Variants in TP53BP1 observed in about 807,000 individuals in gnomAD.
TP53BP1 encodes the protein TP53-binding protein 1.
TP53BP1 carries 61 observed loss-of-function variants against 200.8 expected under a neutral mutation model. The ratio of observed to expected loss-of-function variants is 0.30; its 90% CI spans 0.25 to 0.38. TP53BP1 has a LOEUF of 0.38. TP53BP1 is among the 10% of genes least tolerant of loss of function. TP53BP1 has a pLI of 1.00. For missense variants in TP53BP1, 2,144 were observed against 2,371.9 expected (o/e 0.90, Z 2.00); for synonymous variants, 822 against 844.3 (o/e 0.97, Z 0.46).
At position 43,492,372 on chromosome 15, in the gene TP53BP1, T is replaced by C. The variant is rs1004604204; in HGVS notation, c.104A>G (p.Gln35Arg). The change falls in exon 2 of 28, where the codon CAG (glutamine) becomes CGG (arginine). Residue 35 changes from glutamine (Q) to arginine (R), a missense_variant. Coordinates refer to ENST00000382044, the MANE Select transcript of TP53BP1 (RefSeq NM_001141980.3). The stretch of plus-strand genomic sequence containing the variant: ...AGAACCAGAATCATCCTCTAGAACC[T>C]GGCTTTCAGGCTGAGAATCTTCAAT... ...LIIEDSQPES[Q>R]VLEDDSGSHF... is the part of the protein sequence containing the mutation. 6.2e-7 allele frequency: 1 copy of C among 1,613,964 alleles called. No homozygotes were observed. The highest frequency in any genetic ancestry group is 8.5e-7 in the Non-Finnish European group (1 of 1,179,936).
rs978670941 is a variant in TP53BP1, at chr15:43,442,601, G to A, written c.3041-1018C>T. On this transcript the variant is annotated intron_variant, in intron 14 of 27. Coordinates refer to ENST00000382044, the MANE Select transcript of TP53BP1 (RefSeq NM_001141980.3). ...CAACCTGTGTCTCCTGGGTTCAAGC[G>A]ATTCTCATGCCTCACCCTCCTGAGT... Among the ~76,000 whole-genome samples, 22 of 151,590 alleles carry A rather than the reference G, an allele frequency of 1.5e-4. 1 individual carries two copies. The highest frequency in any genetic ancestry group is 2.7e-4 in the Non-Finnish European group (18 of 67,910).
Position 43,432,391 on chromosome 15 carries a change from G to A in TP53BP1, c.3478C>T (p.Gln1160Ter). The change falls in exon 17 of 28, where the codon CAA becomes TAA. Residue 1160 changes from glutamine to a stop codon, truncating the protein, a stop_gained. Transcript: ENST00000382044. LOFTEE classifies it high-confidence loss of function. ...ACCCTCAAGGAACACTCCATGGTTT[G>A]GATTCCTATGTTATTTTGGCTGGGC... ...ERPSQNNIGI[Q>*]TMECSLRVPE... 1 of 1,614,164 alleles carries A rather than the reference G, an allele frequency of 6.2e-7. No homozygotes were observed. Among genetic ancestry groups the A allele is most frequent in the Non-Finnish European group, 8.5e-7 (1 of 1,180,020 alleles).
Position 43,407,308 on chromosome 15 carries a change from CAA to C in TP53BP1, c.*73_*74del, listed in dbSNP as rs2044934225. On this transcript the variant is annotated 3_prime_UTR_variant, in exon 28 of 28. Transcript: ENST00000382044. ...TCCATGCAAGGAATCCAGTTACACA[CAA>C]GACACATTTAAAACCTGGTTAAAAC... 1 of 1,320,456 alleles carries C rather than the reference CAA, an allele frequency of 7.6e-7. No homozygotes were observed. The highest frequency in any genetic ancestry group is 1.4e-5 in the African/African-American group (1 of 69,110). 81.8% of individuals were successfully genotyped at this position (1,320,456 alleles called of 1,614,324 possible). A position where few individuals can be genotyped will look rare whatever the true frequency, so the allele number is the denominator to read the frequency against.
At chr15:43,446,823 C>T in intron 13 of TP53BP1, 1 of 1,474,250 alleles carries the variant, frequency 6.8e-7, no homozygotes, top group East Asian at 2.9e-5. Context: ...ACAAAGGATG[C>T]TGCATGAGCC....
chr15:43,412,764 T>C (rs768528784), intron 24 of TP53BP1: 2 of 473,912 alleles, frequency 4.2e-6, no homozygotes, highest in South Asian at 3.1e-5. Flanking sequence ...ATGGTTGCAG[T>C]AGGCTAAAAT....
chr15:43,480,647 T>C (rs528912703), intron 5 of TP53BP1, among the ~76,000 whole-genome samples: 1 of 152,190 alleles, frequency 6.6e-6, no homozygotes, highest in South Asian at 2.1e-4. Context: ...ATTACAAAAA[T>C]ATTTGAAAAA....
chr15:43,468,262 A>C (rs1049768867), intron 11 of TP53BP1, among the ~76,000 whole-genome samples: 2 of 152,094 alleles, frequency 1.3e-5, no homozygotes, highest in Admixed American at 6.6e-5. Context: ...AAGCTAAAGA[A>C]GGCCAGGTAC....
intron 23 of TP53BP1, 34 bp downstream of exon 23, chr15:43,415,560 C>A: frequency 6.2e-7 from 1 of 1,606,858 alleles, no homozygotes; most frequent in South Asian, 1.1e-5. Flanking sequence ...CTGCCATGGT[C>A]TGAAGGAAGA....
chr15:43,504,815 T>A (rs1595638636), intron 1 of TP53BP1, among the ~76,000 whole-genome samples: 2 of 151,262 alleles, frequency 1.3e-5, no homozygotes, highest in Non-Finnish European at 2.9e-5. Flanking sequence ...AGGTCAGGAG[T>A]TCAAGACCAG....
chr15:43,499,533 T>A (rs2079199052), intron 1 of TP53BP1, among the ~76,000 whole-genome samples: 1 of 152,228 alleles, frequency 6.6e-6, no homozygotes, highest in African/African-American at 2.4e-5. Flanking sequence ...TCTGAGCATA[T>A]CCCTTCTGCA....
chr15:43,467,443 G>A (rs549113639), intron 11 of TP53BP1, among the ~76,000 whole-genome samples: 85 of 152,254 alleles, frequency 5.6e-4, no homozygotes, highest in African/African-American at 2.0e-3. Context: ...TGAGTTCAAA[G>A]AAACCTGATT....
chr15:43,466,855 C>A (rs2046593076), intron 11 of TP53BP1, among the ~76,000 whole-genome samples: 1 of 151,726 alleles, frequency 6.6e-6, no homozygotes. Context: ...AGACCCTGTG[C>A]CTAAGAAAAA....
chr15:43,413,768 A>G (rs1821914343), intron 23 of TP53BP1, among the ~76,000 whole-genome samples: 1 of 151,328 alleles, frequency 6.6e-6, no homozygotes, highest in Non-Finnish European at 1.5e-5. Flanking sequence ...GGTATGAGAT[A>G]TTTTGAAGCA....
intron 11 of TP53BP1, among the ~76,000 whole-genome samples, chr15:43,458,473 C>T (rs1230093327): frequency 6.6e-6 from 1 of 151,570 alleles, no homozygotes; most frequent in African/African-American, 2.4e-5. Context: ...AAATAGTTCA[C>T]AAAACAGTCA....
chr15:43,405,311 T>G lies in TP53BP1; in HGVS notation c.*2072A>C. ...TTCTAGCCACACACAAATAAATATC[T>G]GCGGCTTAGTGATAGGACTCTACCT... On this transcript the variant is annotated 3_prime_UTR_variant, in exon 28 of 28. Transcript: ENST00000382044. 7.2e-7 allele frequency: 1 copy of G among 1,396,526 alleles called. No individual in the cohort carries two copies. Among genetic ancestry groups the G allele is most frequent in the Non-Finnish European group, 1.0e-6 (1 of 987,880 alleles). The allele number at this position is 1,396,526 out of a possible 1,614,324, so 86.5% of individuals were successfully genotyped here.
In TP53BP1 at chr15:43,415,759, C is replaced by T; in HGVS notation, c.4924G>A (p.Ala1642Thr). The part of the protein sequence containing the change: ...RKRRSNVSSP[A>T]TPTASSSSST... ...CTGCTACTGGAGGCAGTAGGGGTGG[C>T]TGGGGAGCTGACGTTACTGCGCCGT... Residue 1642 changes from alanine to threonine, a missense_variant, in exon 23 of 28, where the codon GCC (alanine) becomes ACC (threonine). This residue lies in a region of TP53BP1 where 334 missense variants were observed against 453.4 expected (regional missense o/e 0.74). Transcript: ENST00000382044. 1 of 1,614,146 alleles carries T rather than the reference C, an allele frequency of 6.2e-7. No individual in the cohort carries two copies. Among genetic ancestry groups the T allele is most frequent in the Non-Finnish European group, 8.5e-7 (1 of 1,180,024 alleles).
chr15:43,416,713 G>A (rs1006606252), intron 21 of TP53BP1: 1 of 256,074 alleles, frequency 3.9e-6, no homozygotes, highest in Admixed American at 5.1e-5. Context: ...AATGATTTCC[G>A]TGAAGTGAAA....
At position 43,407,629 on chromosome 15, in the gene TP53BP1, A is replaced by G. The variant is rs183603812; in HGVS notation, c.5747-59T>C. 6 of 1,508,784 alleles carry G rather than the reference A, an allele frequency of 4.0e-6. No homozygotes were observed. In the African/African-American group the frequency reaches 8.3e-5, roughly 21 times the overall value. The allele number at this position is 1,508,784 out of a possible 1,614,324, so 93.5% of individuals were successfully genotyped here. A position where few individuals can be genotyped will look rare whatever the true frequency, so the allele number is the denominator to read the frequency against. ...GACACTCAACTTAGCCCTCCATTAG[A>G]AAGAGAGATTTGATTCTAACCAATA... is the stretch of plus-strand genomic sequence containing the variant. On this transcript the variant is annotated intron_variant, in intron 27 of 27. Coordinates refer to ENST00000382044, the MANE Select transcript of TP53BP1 (RefSeq NM_001141980.3).
chr15:43,488,702 T>C (rs558414122), intron 4 of TP53BP1, among the ~76,000 whole-genome samples: 2 of 152,288 alleles, frequency 1.3e-5, no homozygotes, highest in East Asian at 3.9e-4. Context: ...AAGACCAGCC[T>C]GGCCAACATG....
Sources: gnomAD v4.1 joint callset for allele counts (sites outside exome capture counted in the v4.1 genomes callset) on GRCh38, gnomAD v4.1.1 for gene constraint, gnomAD v4.1.1 regional missense constraint, MANE v1.5 for transcripts, NCBI Gene and HGNC (gene_info 2026-07-23, HGNC 2026-07-21) for gene names.